Variants in HCRTR2 observed in about 807,000 individuals in gnomAD.
HCRTR2 encodes the protein hypocretin receptor 2.
A neutral mutation model predicts 49.0 loss-of-function variants in HCRTR2; 22 were observed. The observed-to-expected ratio is 0.45, with a 90% CI of 0.32 to 0.64. The LOEUF is 0.64. Among genes scored for constraint, HCRTR2 ranks in the 30% least tolerant of loss-of-function variants. The pLI, the probability that HCRTR2 is intolerant of heterozygous loss-of-function variation, is 0.04. For synonymous variants in HCRTR2, 236 were observed against 205.3 expected, an observed-to-expected ratio of 1.15 and a Z score of -1.28; for missense variants, 491 against 559.4, an observed-to-expected ratio of 0.88 and a Z score of 1.23.
intron 1 of HCRTR2, among the ~76,000 whole-genome samples, chr6:55,158,018 A>G (rs1424568269): frequency 6.6e-6 from 1 of 152,228 alleles, no homozygotes; most frequent in African/African-American, 2.4e-5. Context: ...GTGGCTGGCA[A>G]GATGGCTGAA....
chr6:55,229,406 C>T lies in HCRTR2; in HGVS notation c.224-19233C>T, dbSNP rs530558928. On this transcript the variant is annotated intron_variant, in intron 1 of 6. Coordinates refer to ENST00000370862, the MANE Select transcript of HCRTR2 (RefSeq NM_001384272.1). ...AGCAATTCCATTTTTGGGTATATAT[C>T]CAAAATAATTTAAATCAAAATGTTG... 3.3e-5 allele frequency among the ~76,000 whole-genome samples: 5 copies of T among 152,134 alleles called. No individual in the cohort carries two copies. The South Asian group carries it at 1.0e-3, about 32-fold the overall frequency.
intron 1 of HCRTR2, among the ~76,000 whole-genome samples, chr6:55,163,713 A>G (rs1289981275): frequency 6.6e-6 from 1 of 152,206 alleles, no homozygotes; most frequent in Non-Finnish European, 1.5e-5. Flanking sequence ...GGCCATAGGC[A>G]TGGGCAAACA....
chr6:55,222,779 G>A (rs1407913015), intron 1 of HCRTR2, among the ~76,000 whole-genome samples: 1 of 152,160 alleles, frequency 6.6e-6, no homozygotes, highest in African/African-American at 2.4e-5. Context: ...GGTCCTGGGA[G>A]TAAGAGTAAG....
chr6:55,118,021 CTTG>C (rs1411906389), intron 1 of HCRTR2, among the ~76,000 whole-genome samples: 2 of 151,562 alleles, frequency 1.3e-5, no homozygotes, highest in Non-Finnish European at 3.0e-5. Context: ...CTAGTATCCA[CTTG>C]TTATTTTTCC....
chr6:55,241,477 A>G (rs949333442), intron 1 of HCRTR2, among the ~76,000 whole-genome samples: 6 of 152,136 alleles, frequency 3.9e-5, no homozygotes, highest in Non-Finnish European at 7.4e-5. Context: ...TTTTTTATGT[A>G]CATAACAATC....
intron 1 of HCRTR2, among the ~76,000 whole-genome samples, chr6:55,134,021 C>A (rs1764399220): frequency 6.6e-6 from 1 of 151,830 alleles, no homozygotes; most frequent in Non-Finnish European, 1.5e-5. Flanking sequence ...AAAATTCACA[C>A]ATCTTAGGAA....
intron 4 of HCRTR2, among the ~76,000 whole-genome samples, chr6:55,264,457 A>G (rs997678477): frequency 6.6e-6 from 1 of 152,108 alleles, no homozygotes; most frequent in Non-Finnish European, 1.5e-5. Context: ...CTTTTCACAT[A>G]CATGTCTCAC....
intron 1 of HCRTR2, among the ~76,000 whole-genome samples, chr6:55,178,153 T>C (rs556719801): frequency 2.6e-5 from 4 of 152,264 alleles, no homozygotes; most frequent in South Asian, 4.1e-4. Context: ...CTGATGTTAA[T>C]TTTTACTCCT....
At chr6:55,208,157 T>C (rs1425152155) in intron 1 of HCRTR2, among the ~76,000 whole-genome samples, 1 of 151,940 alleles carries the variant, frequency 6.6e-6, no homozygotes, top group African/African-American at 2.4e-5. Flanking sequence ...AATTCTTAAT[T>C]GTATCTGTAA....
chr6:55,271,004 T>C (rs1766963013), intron 4 of HCRTR2, among the ~76,000 whole-genome samples: 1 of 152,204 alleles, frequency 6.6e-6, no homozygotes, highest in Non-Finnish European at 1.5e-5. Flanking sequence ...ATACAATTCC[T>C]ATGAAAATCC....
chr6:55,240,732 G>A (rs1237324647), intron 1 of HCRTR2: 3 of 380,886 alleles, frequency 7.9e-6, no homozygotes, highest in Non-Finnish European at 1.6e-5. Context: ...CTCCTGGTCA[G>A]CTTCCCAGGT....
intron 1 of HCRTR2, among the ~76,000 whole-genome samples, chr6:55,180,836 G>C (rs1765120203): frequency 6.7e-6 from 1 of 149,550 alleles, no homozygotes; most frequent in South Asian, 2.1e-4. Context: ...GTCTTGCTCT[G>C]TCACCCAGAC....
chr6:55,108,404 G>C (rs190898111), intron 1 of HCRTR2, among the ~76,000 whole-genome samples: 3 of 152,020 alleles, frequency 2.0e-5, no homozygotes, highest in Non-Finnish European at 4.4e-5. Flanking sequence ...TGCAAACTCC[G>C]AGAGACAGCT....
intron 2 of HCRTR2, among the ~76,000 whole-genome samples, chr6:55,252,914 C>A (rs75354698): frequency 0.014 from 2,078 of 152,052 alleles, 30 homozygotes; most frequent in Middle Eastern, 0.048. Flanking sequence ...AAACACACAG[C>A]ACTTATATGC....
chr6:55,122,247 G>A (rs1281448274), intron 1 of HCRTR2, among the ~76,000 whole-genome samples: 1 of 152,150 alleles, frequency 6.6e-6, no homozygotes, highest in African/African-American at 2.4e-5. Context: ...TAGTTTATTT[G>A]CATAGAGGTG....
chr6:55,262,184 G>A (rs1766770278), intron 3 of HCRTR2, among the ~76,000 whole-genome samples: 1 of 151,234 alleles, frequency 6.6e-6, no homozygotes, highest in Non-Finnish European at 1.5e-5. Flanking sequence ...ATGGGTGATA[G>A]ATGCACCAAA....
intron 1 of HCRTR2, among the ~76,000 whole-genome samples, chr6:55,200,089 G>GTAATA (rs1366240447): frequency 9.9e-5 from 15 of 152,084 alleles, no homozygotes; most frequent in Admixed American, 9.8e-4. Context: ...CCACCCTGTT[G>GTAATA]TAATAACAAG....
intron 1 of HCRTR2, among the ~76,000 whole-genome samples, chr6:55,154,453 G>T (rs373319685): frequency 6.6e-6 from 1 of 151,678 alleles, no homozygotes; most frequent in African/African-American, 2.4e-5. Context: ...TCCTTAGGAC[G>T]CAAGGATAAG....
At chr6:55,223,747 T>C (rs1765943647) in intron 1 of HCRTR2, among the ~76,000 whole-genome samples, 2 of 152,070 alleles carry the variant, frequency 1.3e-5, no homozygotes, top group African/African-American at 2.4e-5. Context: ...AATCTGGCTA[T>C]GATGCAGAAA....
Sources: gnomAD v4.1 joint callset for allele counts (sites outside exome capture counted in the v4.1 genomes callset) on GRCh38, gnomAD v4.1.1 for gene constraint, MANE v1.5 for transcripts, NCBI Gene and HGNC (gene_info 2026-07-23, HGNC 2026-07-21) for gene names.